Variants in HRH1 observed in about 807,000 individuals in gnomAD.
HRH1 encodes the protein histamine H1 receptor.
In HRH1, 6 loss-of-function variants were observed where a neutral mutation model predicts 10.3. The observed-to-expected ratio is 0.58, with a 90% CI of 0.32 to 1.15. The LOEUF is 1.15. Among genes scored for constraint, HRH1 ranks in the 50% most tolerant of loss-of-function variants. The pLI is 0.05. For synonymous variants in HRH1, 242 were observed against 236.7 expected, an observed-to-expected ratio of 1.02 and a Z score of -0.21; for missense variants, 514 against 615.3, an observed-to-expected ratio of 0.84 and a Z score of 1.74.
chr3:11,241,263 T>C (rs1939328438), intron 1 of HRH1, among the ~76,000 whole-genome samples: 1 of 141,996 alleles, frequency 7.0e-6, no homozygotes, highest in Non-Finnish European at 1.5e-5. Flanking sequence ...GAATTGACAT[T>C]GTCCTGTACA....
At chr3:11,177,691 C>T (rs2125015419) in intron 1 of HRH1, among the ~76,000 whole-genome samples, 1 of 152,308 alleles carries the variant, frequency 6.6e-6, no homozygotes, top group Non-Finnish European at 1.5e-5. Flanking sequence ...CCCTCCAGTG[C>T]CCAACACAGT....
intron 1 of HRH1, among the ~76,000 whole-genome samples, chr3:11,240,416 T>C (rs184593036): frequency 1.3e-5 from 2 of 152,238 alleles, no homozygotes; most frequent in Non-Finnish European, 2.9e-5. Flanking sequence ...GTTGGTAGAA[T>C]GTGAGTGGCA....
intron 1 of HRH1, among the ~76,000 whole-genome samples, chr3:11,204,038 G>A (rs1157111147): frequency 6.6e-6 from 1 of 152,188 alleles, no homozygotes; most frequent in Non-Finnish European, 1.5e-5. Context: ...AAAGGAATGG[G>A]AGAATAGGTA....
chr3:11,259,601 C>T lies in HRH1; in HGVS notation c.564C>T (p.Thr188=). Residue 188 remains threonine, a synonymous_variant, in exon 2 of 2, where the codon ACC becomes ACT. Transcript: ENST00000431010. The surrounding 1 kb of genome is among the most constrained non-coding windows in gnomAD (Gnocchi z 4.6). ...DKCETDFYDV[T]WFKVMTAIIN... is the part of the protein sequence containing the mutation. ...GTGAGACAGACTTCTATGATGTCAC[C>T]TGGTTCAAGGTCATGACTGCCATCA... 1 of 1,614,138 alleles carries T rather than the reference C, an allele frequency of 6.2e-7. No homozygotes were observed.
At chr3:11,182,017 C>G (rs1937364837) in intron 1 of HRH1, among the ~76,000 whole-genome samples, 1 of 152,114 alleles carries the variant, frequency 6.6e-6, no homozygotes, top group Non-Finnish European at 1.5e-5. Flanking sequence ...GAGTCTTGCT[C>G]TGTCACCCAG....
At chr3:11,161,696 A>G (rs1936926725) in intron 1 of HRH1, among the ~76,000 whole-genome samples, 1 of 152,244 alleles carries the variant, frequency 6.6e-6, no homozygotes, top group Non-Finnish European at 1.5e-5. Context: ...TGAAAGTGGT[A>G]AGAAACACTG....
At chr3:11,166,106 T>C (rs1418642383) in intron 1 of HRH1, among the ~76,000 whole-genome samples, 1 of 152,174 alleles carries the variant, frequency 6.6e-6, no homozygotes, top group Non-Finnish European at 1.5e-5. Flanking sequence ...CAGACACATC[T>C]TGTGTATCCT....
rs138487773 is a variant in HRH1 at position 11,238,831 on chromosome 3, C to T, written c.-35-20172C>T. 2.0e-5 allele frequency among the ~76,000 whole-genome samples: 3 copies of T among 152,300 alleles called. No homozygotes were observed. The East Asian group carries it at 5.8e-4, about 29-fold the overall frequency. ...TCATTCACCTAGCATGATGTTTTTC[C>T]AGTTCACCCATGGTGTAGCTTGGAA... On this transcript the variant is annotated intron_variant, in intron 1 of 1. Transcript: ENST00000431010.
At chr3:11,182,803 A>G (rs1447267150) in intron 1 of HRH1, among the ~76,000 whole-genome samples, 1 of 152,166 alleles carries the variant, frequency 6.6e-6, no homozygotes, top group Admixed American at 6.5e-5. Flanking sequence ...ACTGATACTC[A>G]GAGAGGTGAA....
intron 1 of HRH1, among the ~76,000 whole-genome samples, chr3:11,249,227 T>C (rs1339993893): frequency 1.3e-5 from 2 of 151,592 alleles, no homozygotes; most frequent in Admixed American, 1.3e-4. Context: ...AAACCCCGTC[T>C]CTACTAAAAA....
chr3:11,138,791 C>T (rs539846479), intron 1 of HRH1, among the ~76,000 whole-genome samples: 8 of 151,288 alleles, frequency 5.3e-5, no homozygotes, highest in Admixed American at 1.3e-4. Context: ...CCTCCCACCT[C>T]GGCCTCCCAA....
chr3:11,199,630 G>C (rs2125026515), intron 1 of HRH1, among the ~76,000 whole-genome samples: 1 of 152,314 alleles, frequency 6.6e-6, no homozygotes, highest in East Asian at 1.9e-4. Context: ...CCTAGGCAGA[G>C]GACTGTGCCT....
intron 1 of HRH1, among the ~76,000 whole-genome samples, chr3:11,216,731 T>C (rs1258555014): frequency 1.3e-5 from 2 of 151,892 alleles, no homozygotes; most frequent in African/African-American, 4.8e-5. Context: ...ATACAAAAAC[T>C]TAGCTGGACA....
intron 1 of HRH1, among the ~76,000 whole-genome samples, chr3:11,173,949 T>C (rs1937202964): frequency 6.6e-6 from 1 of 152,194 alleles, no homozygotes; most frequent in Non-Finnish European, 1.5e-5. Context: ...CACTCAGACA[T>C]GGGATAACCA....
chr3:11,206,394 A>T (rs1306827498), intron 1 of HRH1, among the ~76,000 whole-genome samples: 3 of 152,258 alleles, frequency 2.0e-5, no homozygotes, highest in Non-Finnish European at 2.9e-5. Flanking sequence ...CTGGGATTAC[A>T]GGCGTGAGCC....
At chr3:11,212,900 C>T (rs1938373978) in intron 1 of HRH1, among the ~76,000 whole-genome samples, 1 of 152,168 alleles carries the variant, frequency 6.6e-6, no homozygotes, top group South Asian at 2.1e-4. Flanking sequence ...CTAAACTCCT[C>T]GCTGCCTCTC....
chr3:11,160,045 A>G (rs1483431837), intron 1 of HRH1, among the ~76,000 whole-genome samples: 1 of 152,216 alleles, frequency 6.6e-6, no homozygotes. Flanking sequence ...TATCTGCTGA[A>G]GTCTCCATCT....
chr3:11,253,467 A>T (rs377163764), intron 1 of HRH1, among the ~76,000 whole-genome samples: 6 of 152,184 alleles, frequency 3.9e-5, no homozygotes, highest in African/African-American at 1.4e-4. Context: ...GAGCTTTAAC[A>T]TTCCTTGTCC....
chr3:11,193,574 G>A (rs1937589271), intron 1 of HRH1, among the ~76,000 whole-genome samples: 1 of 151,756 alleles, frequency 6.6e-6, no homozygotes, highest in African/African-American at 2.4e-5. Flanking sequence ...TCTTCACATG[G>A]TGGGAAGGGT....
Sources: allele counts gnomAD v4.1 joint callset (sites outside exome capture counted in the v4.1 genomes callset), GRCh38; gene constraint gnomAD v4.1.1; non-coding constraint Gnocchi (gnomAD v3.1); transcripts MANE v1.5; gene names NCBI Gene and HGNC (gene_info 2026-07-23, HGNC 2026-07-21).